CSMD1: variants seen among roughly 807,000 people sequenced by gnomAD.
CSMD1 encodes CUB and sushi domain-containing protein 1.
Under a neutral mutation model 417.5 loss-of-function variants are expected in CSMD1, and 213 were observed. That is an observed-to-expected ratio of 0.51 (90% CI 0.46 to 0.57). The LOEUF (loss-of-function observed/expected upper bound fraction) is 0.57. Ranked by LOEUF, CSMD1 falls within the 20% of genes least tolerant of loss-of-function variation. The probability of loss-of-function intolerance (pLI) is 0.00; values close to 1 mark genes in which losing one functional copy is unlikely to be tolerated. For missense variants in CSMD1, 6,923 were observed against 4,529.7 expected, an observed-to-expected ratio of 1.53 and a Z score of -15.17; for synonymous variants, 2,862 against 1,736.8, an observed-to-expected ratio of 1.65 and a Z score of -16.11.
chr8:4,889,289 T>C (rs1803953466), intron 1 of CSMD1, among the ~76,000 whole-genome samples: 3 of 152,104 alleles, frequency 2.0e-5, no homozygotes, highest in Admixed American at 1.3e-4. Flanking sequence ...AATTGAATCA[T>C]GAGGAAACAT....
At chr8:3,233,934 T>C (rs768552488) in intron 26 of CSMD1, among the ~76,000 whole-genome samples, 1 of 152,176 alleles carries the variant, frequency 6.6e-6, no homozygotes, top group Non-Finnish European at 1.5e-5. Context: ...TACAGACTAG[T>C]GTGAATCCCG....
chr8:3,366,641 G>T (rs963254198), intron 20 of CSMD1, among the ~76,000 whole-genome samples: 1 of 152,132 alleles, frequency 6.6e-6, no homozygotes, highest in East Asian at 1.9e-4. Context: ...GGCACCTACC[G>T]TAGGGTAGAA....
intron 2 of CSMD1, among the ~76,000 whole-genome samples, chr8:4,616,230 T>C (rs926525229): frequency 6.6e-6 from 1 of 152,166 alleles, no homozygotes; most frequent in African/African-American, 2.4e-5. Flanking sequence ...AGGAGCACTT[T>C]GAGAATTGAA....
chr8:4,157,818 G>C (rs1796921368), intron 3 of CSMD1, among the ~76,000 whole-genome samples: 1 of 152,136 alleles, frequency 6.6e-6, no homozygotes, highest in Admixed American at 6.5e-5. Context: ...TCCAGCTTTA[G>C]TCAGTCTCCT....
At chr8:4,285,721 C>A (rs10086473) in intron 3 of CSMD1, among the ~76,000 whole-genome samples, 2,349 of 152,250 alleles carry the variant, frequency 0.015, 50 homozygotes, top group African/African-American at 0.053. Context: ...GTCAGGGCCA[C>A]AGGCTTCTCA....
chr8:3,997,067 C>T (rs186168276), intron 5 of CSMD1, among the ~76,000 whole-genome samples: 14 of 152,240 alleles, frequency 9.2e-5, no homozygotes, highest in Admixed American at 1.3e-4. Flanking sequence ...TTCAACATAC[C>T]CATTCTTGTT....
At chr8:4,619,431 G>C (rs747651269) in intron 2 of CSMD1, among the ~76,000 whole-genome samples, 1 of 152,064 alleles carries the variant, frequency 6.6e-6, no homozygotes, top group Non-Finnish European at 1.5e-5. Flanking sequence ...TTCAACTAGC[G>C]GTCGTCGTTG....
intron 5 of CSMD1, among the ~76,000 whole-genome samples, chr8:3,803,690 T>C (rs1362912955): frequency 2.0e-5 from 3 of 152,240 alleles, no homozygotes; most frequent in African/African-American, 7.2e-5. Context: ...GATTTGTTGG[T>C]CAGAATTAGG....
At chr8:4,311,638 G>A (rs1207981379) in intron 3 of CSMD1, among the ~76,000 whole-genome samples, 1 of 149,528 alleles carries the variant, frequency 6.7e-6, no homozygotes, top group Non-Finnish European at 1.5e-5. Flanking sequence ...CAGGAGAATT[G>A]CTTGAACCTG....
At chr8:4,158,951 T>C (rs555914834) in intron 3 of CSMD1, among the ~76,000 whole-genome samples, 1 of 152,316 alleles carries the variant, frequency 6.6e-6, no homozygotes, top group East Asian at 1.9e-4. Flanking sequence ...GTTTCACTCT[T>C]GTTGCCCAGG....
At chr8:3,763,443 C>T (rs1798115796) in intron 5 of CSMD1, among the ~76,000 whole-genome samples, 1 of 152,102 alleles carries the variant, frequency 6.6e-6, no homozygotes, top group East Asian at 1.9e-4. Flanking sequence ...TTTAAAAGAG[C>T]CTAGCACTCC....
At chr8:4,985,585 C>A (rs967700775) in intron 1 of CSMD1, among the ~76,000 whole-genome samples, 4 of 152,140 alleles carry the variant, frequency 2.6e-5, no homozygotes, top group African/African-American at 9.7e-5. Context: ...ATGTGTATAT[C>A]TTCCCTAAAT....
At chr8:4,155,672 G>A (rs770543676) in intron 3 of CSMD1, among the ~76,000 whole-genome samples, 1 of 152,132 alleles carries the variant, frequency 6.6e-6, no homozygotes, top group Non-Finnish European at 1.5e-5. Flanking sequence ...AAACGTGACA[G>A]ATTTTAAGCA....
chr8:4,341,978 A>C (rs1800503459), intron 3 of CSMD1, among the ~76,000 whole-genome samples: 1 of 152,116 alleles, frequency 6.6e-6, no homozygotes. Context: ...CAAGAGACGA[A>C]AGTGGCCTTA....
At chr8:4,165,383 A>G (rs1261220235) in intron 3 of CSMD1, among the ~76,000 whole-genome samples, 1 of 152,220 alleles carries the variant, frequency 6.6e-6, no homozygotes, top group Non-Finnish European at 1.5e-5. Context: ...TCTTACTAAA[A>G]GATGTGCCAT....
chr8:3,803,920 C>T (rs1270364349), intron 5 of CSMD1, among the ~76,000 whole-genome samples: 4 of 152,002 alleles, frequency 2.6e-5, no homozygotes, highest in African/African-American at 9.7e-5. Context: ...GGTTAAGAGA[C>T]AAAGTTTCTC....
At chr8:4,583,117 C>G (rs1035330046) in intron 2 of CSMD1, among the ~76,000 whole-genome samples, 1 of 152,354 alleles carries the variant, frequency 6.6e-6, no homozygotes, top group South Asian at 2.1e-4. Context: ...CCCACCCACT[C>G]CATGGGCTCC....
At chr8:4,113,397 T>TG (rs993345648) in intron 3 of CSMD1, among the ~76,000 whole-genome samples, 10 of 126,454 alleles carry the variant, frequency 7.9e-5, no homozygotes, top group African/African-American at 2.5e-4. Context: ...GGGCTTTTTT[T>TG]TTTTTTTTTT....
intron 21 of CSMD1, among the ~76,000 whole-genome samples, chr8:3,354,935 A>ATC (rs1295938376): frequency 9.1e-5 from 6 of 65,970 alleles, no homozygotes; most frequent in African/African-American, 2.2e-4. Flanking sequence ...ATAGATATAG[A>ATC]TATATATAGA....
Sources: allele counts gnomAD v4.1 joint callset (sites outside exome capture counted in the v4.1 genomes callset), GRCh38; gene constraint gnomAD v4.1.1; transcripts MANE v1.5; gene names NCBI Gene and HGNC (gene_info 2026-07-23, HGNC 2026-07-21).